Variants in SOX5 observed in about 807,000 individuals in gnomAD.
SOX5 encodes the protein SRY-box transcription factor 5.
SOX5 carries 9 observed loss-of-function variants against 92.0 expected under a neutral mutation model. The observed-to-expected ratio is 0.10, with a 90% CI of 0.06 to 0.17. SOX5 has a LOEUF of 0.17. Ranked by LOEUF, SOX5 falls within the 10% of genes least tolerant of loss-of-function variation. The pLI is 1.00. For synonymous variants in SOX5, 344 were observed against 336.3 expected (o/e 1.02, Z -0.25); for missense variants, 642 against 944.5 (o/e 0.68, Z 4.20).
chr12:23,870,919 G>A (rs2096865861), intron 2 of SOX5, among the ~76,000 whole-genome samples: 1 of 151,732 alleles, frequency 6.6e-6, no homozygotes, highest in Non-Finnish European at 1.5e-5. Context: ...CACTCACTAA[G>A]GAAATCTCTT....
At chr12:23,644,973 T>A (rs2080639379) in intron 7 of SOX5, among the ~76,000 whole-genome samples, 1 of 152,184 alleles carries the variant, frequency 6.6e-6, no homozygotes, top group South Asian at 2.1e-4. Flanking sequence ...GAAAATTCAT[T>A]TTTTATTATT....
intron 6 of SOX5, among the ~76,000 whole-genome samples, chr12:23,688,937 C>T (rs1364207894): frequency 6.6e-6 from 1 of 152,084 alleles, no homozygotes; most frequent in East Asian, 1.9e-4. Context: ...AAAAAAAGAT[C>T]AGGAATTTTT....
At chr12:24,525,259 AT>A (rs1950598906) in intron 1 of SOX5, among the ~76,000 whole-genome samples, 1 of 152,238 alleles carries the variant, frequency 6.6e-6, no homozygotes, top group Non-Finnish European at 1.5e-5. Flanking sequence ...CCTTAAGCAC[AT>A]TGGGCTAAGT....
chr12:23,862,282 C>G (rs1230096101), intron 2 of SOX5, among the ~76,000 whole-genome samples: 2 of 152,150 alleles, frequency 1.3e-5, no homozygotes, highest in Non-Finnish European at 2.9e-5. Flanking sequence ...AACATCTCTT[C>G]CTTTTTAAAG....
chr12:24,487,175 T>C (rs1487489666), intron 1 of SOX5, among the ~76,000 whole-genome samples: 1 of 152,174 alleles, frequency 6.6e-6, no homozygotes, highest in Non-Finnish European at 1.5e-5. Context: ...AATGAAAATT[T>C]GATCAAAGAA....
chr12:23,610,089 CAT>C (rs1566301293), intron 8 of SOX5, among the ~76,000 whole-genome samples: 2 of 152,088 alleles, frequency 1.3e-5, no homozygotes. Flanking sequence ...ATTTGGATGA[CAT>C]AGCTTTTATG....
intron 1 of SOX5, among the ~76,000 whole-genome samples, chr12:24,380,478 A>C (rs1459473822): frequency 2.0e-5 from 3 of 152,238 alleles, no homozygotes; most frequent in Non-Finnish European, 2.9e-5. Context: ...AGTTACTGTC[A>C]AAACATGGTA....
At chr12:23,979,646 A>T (rs1190339159) in intron 4 of SOX5, among the ~76,000 whole-genome samples, 1 of 147,064 alleles carries the variant, frequency 6.8e-6, no homozygotes, top group Non-Finnish European at 1.5e-5. Flanking sequence ...CCAGCATGAG[A>T]ACCTCACAAA....
At position 24,401,753 on chromosome 12, in the gene SOX5, T is replaced by C. The variant is rs1961733520; in HGVS notation, c.-250-33114A>G. On this transcript the variant is annotated intron_variant, in intron 1 of 4. Coordinates refer to the SOX5 transcript ENST00000446891. ...AAAAAAAAAATTGCAAAATATTTTT[T>C]TCACTTAAAGTACTTACATAATATC... 2.7e-5 allele frequency among the ~76,000 whole-genome samples: 4 copies of C among 150,792 alleles called. No homozygotes were observed. The South Asian group carries it at 8.3e-4, about 31-fold the overall frequency.
In SOX5 at chr12:23,815,830, T is replaced by C. The variant is rs559395496; in HGVS notation, c.481+30153A>G. The stretch of plus-strand genomic sequence containing the variant: ...GGATAATGGAATGACTATGACTTTA[T>C]TGCTGTTCTTTAGGATAGGGGTAGG... On this transcript the variant is annotated intron_variant, in intron 3 of 14. Transcript: ENST00000451604. Among the ~76,000 whole-genome samples the C allele has an allele frequency of 3.9e-5, 6 of 152,320 alleles. No individual in the cohort carries two copies. The East Asian group carries it at 9.7e-4, about 25-fold the overall frequency.
At chr12:23,899,530 C>G (rs531087983) in intron 1 of SOX5, among the ~76,000 whole-genome samples, 2 of 152,136 alleles carry the variant, frequency 1.3e-5, no homozygotes, top group African/African-American at 2.4e-5. Flanking sequence ...CTGGCGTATG[C>G]TCTTATCCTT....
chr12:23,979,707 GTTTTTTTTT>G (rs1177945407), intron 4 of SOX5, among the ~76,000 whole-genome samples: 28 of 77,500 alleles, frequency 3.6e-4, no homozygotes, highest in African/African-American at 1.4e-3. Flanking sequence ...TGTTTTTTTT[GTTTTTTTTT>G]TTTTTTTTTT....
chr12:23,656,703 A>C (rs1337832914), intron 7 of SOX5, among the ~76,000 whole-genome samples: 1 of 151,998 alleles, frequency 6.6e-6, no homozygotes, highest in Non-Finnish European at 1.5e-5. Flanking sequence ...TATGTATCAT[A>C]TTATGCATAT....
chr12:24,184,486 G>T (rs1955828616), intron 4 of SOX5, among the ~76,000 whole-genome samples: 1 of 152,120 alleles, frequency 6.6e-6, no homozygotes, highest in Admixed American at 6.6e-5. Flanking sequence ...ATAAGATTTT[G>T]ACAGAATATG....
intron 4 of SOX5, among the ~76,000 whole-genome samples, chr12:24,126,665 C>T (rs982715339): frequency 1.3e-5 from 2 of 152,202 alleles, no homozygotes; most frequent in Admixed American, 6.5e-5. Flanking sequence ...ATTGCATTCC[C>T]TAGCTAAAAT....
chr12:23,979,786 T>C (rs1949356618), intron 4 of SOX5, among the ~76,000 whole-genome samples: 1 of 129,170 alleles, frequency 7.7e-6, no homozygotes, highest in African/African-American at 2.9e-5. Context: ...AGTGTGATCA[T>C]AGCAAACTGC....
chr12:24,225,491 T>C (rs200627567), intron 3 of SOX5, among the ~76,000 whole-genome samples: 2 of 129,630 alleles, frequency 1.5e-5, no homozygotes, highest in East Asian at 2.5e-4. Flanking sequence ...TTTTTTTTTT[T>C]TTCCCCACTT....
intron 4 of SOX5, among the ~76,000 whole-genome samples, chr12:24,053,991 A>G (rs1957853681): frequency 1.3e-5 from 2 of 152,230 alleles, no homozygotes; most frequent in South Asian, 4.1e-4. Flanking sequence ...CCCAAGCTCT[A>G]TGGCTCTGAG....
At chr12:23,972,429 C>T (rs1948448120) in intron 4 of SOX5, among the ~76,000 whole-genome samples, 3 of 152,128 alleles carry the variant, frequency 2.0e-5, no homozygotes, top group Admixed American at 6.5e-5. Flanking sequence ...GCAATCTCTG[C>T]TCACTGCAAC....
Sources: gnomAD v4.1 joint callset for allele counts (sites outside exome capture counted in the v4.1 genomes callset) on GRCh38, gnomAD v4.1.1 for gene constraint, MANE v1.5 for transcripts, NCBI Gene and HGNC (gene_info 2026-07-23, HGNC 2026-07-21) for gene names.